The following CSMD1 variants were observed in gnomAD, a reference collection of about 807,000 sequenced individuals.
The protein encoded by CSMD1 is CUB and sushi domain-containing protein 1.
Under a neutral mutation model 417.5 loss-of-function variants are expected in CSMD1, and 213 were observed. That is an observed-to-expected ratio of 0.51 (90% CI 0.46 to 0.57). The LOEUF (loss-of-function observed/expected upper bound fraction) is 0.57, where lower values mean the gene tolerates loss of function less well. CSMD1 is among the 20% of genes least tolerant of loss of function. The probability of loss-of-function intolerance (pLI) is 0.00; values close to 1 mark genes in which losing one functional copy is unlikely to be tolerated. For missense variants in CSMD1, 6,923 were observed against 4,529.7 expected, an observed-to-expected ratio of 1.53 and a Z score of -15.17; for synonymous variants, 2,862 against 1,736.8, an observed-to-expected ratio of 1.65 and a Z score of -16.11.
intron 2 of CSMD1, among the ~76,000 whole-genome samples, chr8:4,626,356 T>A (rs1004701258): frequency 1.3e-5 from 2 of 152,012 alleles, no homozygotes; most frequent in African/African-American, 4.8e-5. Context: ...TTAATGCTAC[T>A]GATTTCTAAA....
chr8:4,002,769 T>A (rs1412189141), intron 4 of CSMD1, among the ~76,000 whole-genome samples: 2 of 152,178 alleles, frequency 1.3e-5, no homozygotes, highest in Non-Finnish European at 2.9e-5. Flanking sequence ...TAACAAAGTA[T>A]ATTGGAAGAA....
intron 3 of CSMD1, among the ~76,000 whole-genome samples, chr8:4,367,407 C>G (rs1019317659): frequency 6.6e-6 from 1 of 152,022 alleles, no homozygotes; most frequent in Admixed American, 6.6e-5. Context: ...TCTCATTTTT[C>G]ATTGGTCTAT....
chr8:4,296,568 A>G (rs944374570), intron 3 of CSMD1, among the ~76,000 whole-genome samples: 4 of 151,752 alleles, frequency 2.6e-5, no homozygotes, highest in Admixed American at 6.6e-5. Context: ...GGATGGATGT[A>G]TTTCTACATG....
chr8:4,806,626 G>C (rs1397322354), intron 1 of CSMD1, among the ~76,000 whole-genome samples: 4 of 152,154 alleles, frequency 2.6e-5, no homozygotes, highest in African/African-American at 4.8e-5. Flanking sequence ...TCCAGAAACA[G>C]TAATTAAAAT....
At chr8:3,759,561 G>A (rs1366710388) in intron 5 of CSMD1, among the ~76,000 whole-genome samples, 1 of 151,822 alleles carries the variant, frequency 6.6e-6, no homozygotes, top group Non-Finnish European at 1.5e-5. Context: ...GTGGAAAATG[G>A]GCATGAACAG....
At chr8:4,936,826 T>A (rs1807652289) in intron 1 of CSMD1, among the ~76,000 whole-genome samples, 1 of 152,264 alleles carries the variant, frequency 6.6e-6, no homozygotes, top group Non-Finnish European at 1.5e-5. Context: ...ACAGCTTTGC[T>A]GCTAAATAAA....
At chr8:4,502,952 A>C (rs1802332869) in intron 2 of CSMD1, among the ~76,000 whole-genome samples, 1 of 152,174 alleles carries the variant, frequency 6.6e-6, no homozygotes, top group Admixed American at 6.5e-5. Flanking sequence ...CTGTCTCTAA[A>C]TGGTATAAGA....
chr8:4,736,814 C>T lies in CSMD1; in HGVS notation c.86-99256G>A, dbSNP rs139598064. On this transcript the variant is annotated intron_variant, in intron 1 of 69. Transcript: ENST00000635120. ...GTATAAACAAGTGCCTTCACTTCCC[C>T]ACTGTGCTGTCTGATTTGTGGGGTA... Among the ~76,000 whole-genome samples, 142 of 152,290 alleles carry T rather than the reference C, an allele frequency of 9.3e-4. 1 individual carries two copies. Among genetic ancestry groups the T allele is most frequent in the African/African-American group, 3.3e-3 (139 of 41,562 alleles).
In CSMD1 at chr8:4,060,535, G is replaced by C. The variant is rs1022988125; in HGVS notation, c.416-28436C>G. 2.6e-5 allele frequency among the ~76,000 whole-genome samples: 4 copies of C among 152,304 alleles called. No homozygotes were observed. The East Asian group carries it at 7.7e-4, about 29-fold the overall frequency. On this transcript the variant is annotated intron_variant, in intron 3 of 69. Transcript: ENST00000635120. ...AAACAAAGGGGATGTCGGAGAAGGA[G>C]TGTGGCCTCTGCAATGGTTAACAGT... is the stretch of plus-strand genomic sequence containing the variant.
chr8:3,392,217 T>G (rs570443085), intron 17 of CSMD1, among the ~76,000 whole-genome samples: 2 of 151,848 alleles, frequency 1.3e-5, no homozygotes, highest in Non-Finnish European at 2.9e-5. Flanking sequence ...GTAACTAACC[T>G]GCACGTTGTC....
chr8:4,791,211 G>A (rs1390036523), intron 1 of CSMD1, among the ~76,000 whole-genome samples: 1 of 151,688 alleles, frequency 6.6e-6, no homozygotes, highest in African/African-American at 2.4e-5. Context: ...GAGGTGCGTG[G>A]AAGAAGCAGA....
chr8:3,135,908 G>C (rs1010332387), intron 41 of CSMD1, among the ~76,000 whole-genome samples: 41 of 152,192 alleles, frequency 2.7e-4, no homozygotes, highest in African/African-American at 9.2e-4. Context: ...TGTGTATTAG[G>C]GCAGAAAAAG....
At chr8:4,268,710 G>C (rs1804379606) in intron 3 of CSMD1, among the ~76,000 whole-genome samples, 1 of 150,988 alleles carries the variant, frequency 6.6e-6, no homozygotes, top group African/African-American at 2.4e-5. Context: ...TTTTTTTGAA[G>C]TAACATAACC....
chr8:3,627,514 G>T (rs2469312), intron 7 of CSMD1, among the ~76,000 whole-genome samples: 117,020 of 152,100 alleles, frequency 0.77, 45,280 homozygotes, highest in East Asian at 0.93. Context: ...CTGAATATAT[G>T]AGACTACTTT....
chr8:4,882,172 C>T (rs1803447240), intron 1 of CSMD1, among the ~76,000 whole-genome samples: 2 of 152,046 alleles, frequency 1.3e-5, no homozygotes, highest in South Asian at 2.1e-4. Context: ...ATCCCAGTCT[C>T]CTTGGCACTA....
chr8:4,378,248 A>G (rs1287822216), intron 3 of CSMD1, among the ~76,000 whole-genome samples: 2 of 152,224 alleles, frequency 1.3e-5, no homozygotes, highest in Non-Finnish European at 2.9e-5. Context: ...TTACTTTTCT[A>G]TTAACATTTG....
intron 3 of CSMD1, among the ~76,000 whole-genome samples, chr8:4,102,079 G>A (rs1038204126): frequency 6.6e-6 from 1 of 152,106 alleles, no homozygotes; most frequent in South Asian, 2.1e-4. Flanking sequence ...TACCTGCGCT[G>A]CACTAATTTC....
At chr8:4,957,929 T>C (rs1409970114) in intron 1 of CSMD1, among the ~76,000 whole-genome samples, 1 of 152,206 alleles carries the variant, frequency 6.6e-6, no homozygotes, top group Admixed American at 6.5e-5. Context: ...ATTTTAGTCA[T>C]TTACTTGAAG....
rs949505320 is a variant in CSMD1 at position 3,745,333 on chromosome 8, C to G, written c.931+8597G>C. Among the ~76,000 whole-genome samples, 3 of 152,292 alleles carry G rather than the reference C, an allele frequency of 2.0e-5. No individual in the cohort carries two copies. The East Asian group carries it at 5.8e-4, about 29-fold the overall frequency. On this transcript the variant is annotated intron_variant, in intron 6 of 69. Coordinates refer to ENST00000635120, the MANE Select transcript of CSMD1 (RefSeq NM_033225.6). Reference sequence around the variant, plus strand: ...CTCTGCAAGAACCTGGTTGGAATCTCATGAGCCTTTAAAAACTACCACTGA... The same window carrying G: ...CTCTGCAAGAACCTGGTTGGAATCTGATGAGCCTTTAAAAACTACCACTGA...
Sources: allele counts gnomAD v4.1 joint callset (sites outside exome capture counted in the v4.1 genomes callset), GRCh38; gene constraint gnomAD v4.1.1; transcripts MANE v1.5; gene names NCBI Gene and HGNC (gene_info 2026-07-23, HGNC 2026-07-21).